Variants in GREB1 observed in about 807,000 individuals in gnomAD.
GREB1 encodes growth regulating estrogen receptor binding 1.
A neutral mutation model predicts 200.7 loss-of-function variants in GREB1; 106 were observed. That is an observed-to-expected ratio of 0.53 (90% CI 0.45 to 0.62). The LOEUF is 0.62. Among genes scored for constraint, GREB1 ranks in the 20% least tolerant of loss-of-function variants. The pLI, the probability that GREB1 is intolerant of heterozygous loss-of-function variation, is 0.00. For synonymous variants in GREB1, 1,132 were observed against 1,092.4 expected (o/e 1.04, Z -0.72); for missense variants, 2,243 against 2,556.8 (o/e 0.88, Z 2.65).
chr2:11,640,642 G>A lies in GREB1; in HGVS notation c.*188G>A. The A allele has an allele frequency of 1.6e-6, 1 of 607,608 alleles. No individual in the cohort carries two copies. The highest frequency in any genetic ancestry group is 2.8e-6 in the Non-Finnish European group (1 of 356,508). 37.6% of individuals were successfully genotyped at this position (607,608 alleles called of 1,614,324 possible). On this transcript the variant is annotated 3_prime_UTR_variant, in exon 33 of 33. Coordinates refer to ENST00000381486, the MANE Select transcript of GREB1 (RefSeq NM_014668.4). This position sits in a 1 kb window ranked among gnomAD's most constrained non-coding sequence, Gnocchi z 4.6. Reference sequence around the variant, plus strand: ...CTGGGAGCCAGGAAGACTCCGCAGTGGGTGAGAATGAAAACTTGAGACTCC... The same window carrying A: ...CTGGGAGCCAGGAAGACTCCGCAGTAGGTGAGAATGAAAACTTGAGACTCC...
intron 24 of GREB1, 32 bp downstream of exon 24, chr2:11,625,344 A>C (rs770736682): frequency 3.1e-6 from 5 of 1,604,252 alleles, no homozygotes; most frequent in Non-Finnish European, 4.3e-6. Context: ...TTCACCTTCC[A>C]GAGTGCATGG....
intron 17 of GREB1, among the ~76,000 whole-genome samples, chr2:11,605,382 C>T (rs1033861114): frequency 6.6e-6 from 1 of 151,882 alleles, no homozygotes; most frequent in South Asian, 2.1e-4. Context: ...CTTGCCACCA[C>T]GGCCAGCTGA....
intron 9 of GREB1, chr2:11,588,055 G>A: frequency 1.6e-6 from 1 of 630,334 alleles, no homozygotes; most frequent in Non-Finnish European, 2.0e-6. Flanking sequence ...GTGAAACCTT[G>A]TCTCTACTAA....
chr2:11,502,752 G>A (rs556879216), intron 1 of GREB1, among the ~76,000 whole-genome samples: 1 of 152,190 alleles, frequency 6.6e-6, no homozygotes, highest in East Asian at 1.9e-4. Context: ...TACTTTATAT[G>A]TGCCTACATC....
Position 11,524,381 on chromosome 2 carries a change from G to A in GREB1, c.-158-32076G>A, listed in dbSNP as rs915200958. 5.3e-5 allele frequency among the ~76,000 whole-genome samples: 8 copies of A among 152,198 alleles called. No homozygotes were observed. In the East Asian group the frequency reaches 1.5e-3, roughly 29 times the overall value. ...GTGACATGACAGAGGGAGGTGACAT[G>A]TCCATGACTCTTGAGGACAGGGCCA... is the stretch of plus-strand genomic sequence containing the variant. On this transcript the variant is annotated intron_variant, in intron 1 of 2. Transcript: ENST00000628795.
rs538348494 is a variant in GREB1, at chr2:11,642,582, C to G, written c.*2128C>G. ...GTCCGCGAGTATTAAATATTTAGATCAATGTTTATAAAATGATTACTTTGT... is the reference window on the plus strand; with the variant it reads ...GTCCGCGAGTATTAAATATTTAGATGAATGTTTATAAAATGATTACTTTGT... On this transcript the variant is annotated 3_prime_UTR_variant, in exon 33 of 33. Coordinates refer to ENST00000381486, the MANE Select transcript of GREB1 (RefSeq NM_014668.4). The G allele has an allele frequency of 3.4e-4, 52 of 152,044 alleles. No homozygotes were observed. The highest frequency in any genetic ancestry group is 3.2e-3 in the Middle Eastern group (1 of 316). The allele number at this position is 152,044 out of a possible 1,614,324, so 9.4% of individuals were successfully genotyped here.
chr2:11,519,312 A>G (rs1673623435), intron 1 of GREB1, among the ~76,000 whole-genome samples: 1 of 152,038 alleles, frequency 6.6e-6, no homozygotes, highest in South Asian at 2.1e-4. Flanking sequence ...AAAGGCTGGC[A>G]TTTTGAACAT....
In GREB1 at chr2:11,641,072, G is replaced by A. The variant is rs569357256; in HGVS notation, c.*618G>A. The A allele has an allele frequency of 1.3e-5, 2 of 151,126 alleles. No individual in the cohort carries two copies. Among genetic ancestry groups the A allele is most frequent in the African/African-American group, 4.8e-5 (2 of 41,258 alleles). 9.4% of individuals were successfully genotyped at this position (151,126 alleles called of 1,614,324 possible). ...ATATGATCCTATTAAAATAATATAG[G>A]GTAAATACCCTACCTCTTAGAAAGG... On this transcript the variant is annotated 3_prime_UTR_variant, in exon 33 of 33. Transcript: ENST00000381486.
chr2:11,605,020 T>G (rs1682120313), intron 17 of GREB1, among the ~76,000 whole-genome samples: 1 of 151,978 alleles, frequency 6.6e-6, no homozygotes, highest in Non-Finnish European at 1.5e-5. Flanking sequence ...TATGGAACTT[T>G]TTTCCTTTAG....
At chr2:11,587,751 T>C (rs1207246330) in intron 9 of GREB1, 1 of 932,478 alleles carries the variant, frequency 1.1e-6, no homozygotes, top group Non-Finnish European at 1.3e-6. Flanking sequence ...ACGCCACCTT[T>C]GGGAGCTCAG....
At chr2:11,602,314 C>A in intron 16 of GREB1, 92 bp from the exon 17 acceptor site, 1 of 1,161,612 alleles carries the variant, frequency 8.6e-7, no homozygotes, top group Non-Finnish European at 1.3e-6. Flanking sequence ...GATGAAGTTG[C>A]CAACCCAGGT....
At chr2:11,534,636 T>C (rs776171637) in intron 1 of GREB1, among the ~76,000 whole-genome samples, 1 of 152,082 alleles carries the variant, frequency 6.6e-6, no homozygotes, top group Non-Finnish European at 1.5e-5. Context: ...GAGCTCCTCT[T>C]GTGTGATTGT....
chr2:11,489,661 T>C (rs1392743209), intron 1 of GREB1, among the ~76,000 whole-genome samples: 2 of 152,230 alleles, frequency 1.3e-5, no homozygotes, highest in Non-Finnish European at 2.9e-5. Flanking sequence ...GACTCATGCG[T>C]GTAAGAGTAG....
intron 1 of GREB1, among the ~76,000 whole-genome samples, chr2:11,490,612 C>T (rs1017080765): frequency 6.6e-6 from 1 of 152,066 alleles, no homozygotes; most frequent in African/African-American, 2.4e-5. Flanking sequence ...GCAGTGGTGC[C>T]ATCTCAGCTC....
chr2:11,575,422 A>G (rs1225065173), intron 4 of GREB1, among the ~76,000 whole-genome samples: 1 of 152,212 alleles, frequency 6.6e-6, no homozygotes, highest in East Asian at 1.9e-4. Flanking sequence ...TTTCAAGCAC[A>G]TTCTCTGGAT....
chr2:11,620,590 AT>A, intron 22 of GREB1, among the ~76,000 whole-genome samples: 1 of 152,252 alleles, frequency 6.6e-6, no homozygotes, highest in South Asian at 2.1e-4. Context: ...TGTTTATAGT[AT>A]CCTATTTTTT....
rs529186769 is a variant in GREB1, at chr2:11,626,677, A to G, written c.4307-285A>G. 1.3e-4 allele frequency among the ~76,000 whole-genome samples: 20 copies of G among 152,378 alleles called. No homozygotes were observed. In the East Asian group the frequency reaches 2.5e-3, roughly 19 times the overall value. ...GTTGGCAATCGATTTAAATTGTTGTATAGCGGATCTTTACATAGGTGCTGA... is the reference window on the plus strand; with the variant it reads ...GTTGGCAATCGATTTAAATTGTTGTGTAGCGGATCTTTACATAGGTGCTGA... On this transcript the variant is annotated intron_variant, in intron 24 of 32. Transcript: ENST00000381486.
intron 1 of GREB1, among the ~76,000 whole-genome samples, chr2:11,483,687 G>GGTGTGTGTGT (rs57352590): frequency 4.1e-4 from 54 of 132,384 alleles, no homozygotes; most frequent in East Asian, 9.4e-4. Context: ...TACAAGAAGG[G>GGTGTGTGTGT]GTGTGTGTGT....
chr2:11,553,693 T>C (rs1379461676), intron 1 of GREB1, among the ~76,000 whole-genome samples: 2 of 152,116 alleles, frequency 1.3e-5, no homozygotes, highest in Admixed American at 6.6e-5. Context: ...GTAGGGAGTG[T>C]GCCCAGTGTC....
Sources: allele counts gnomAD v4.1 joint callset (sites outside exome capture counted in the v4.1 genomes callset), GRCh38; gene constraint gnomAD v4.1.1; non-coding constraint Gnocchi (gnomAD v3.1); transcripts MANE v1.5; gene names NCBI Gene and HGNC (gene_info 2026-07-23, HGNC 2026-07-21).